The following PLCE1 variants were observed in gnomAD, a reference collection of about 807,000 sequenced individuals.
PLCE1 encodes phospholipase C epsilon 1.
A neutral mutation model predicts 242.8 loss-of-function variants in PLCE1; 119 were observed. The ratio of observed to expected loss-of-function variants is 0.49; its 90% confidence interval spans 0.42 to 0.57. The LOEUF (loss-of-function observed/expected upper bound fraction) is 0.57. Among genes scored for constraint, PLCE1 ranks in the 20% least tolerant of loss-of-function variants. The pLI, the probability that PLCE1 is intolerant of heterozygous loss-of-function variation, is 0.00. For synonymous variants in PLCE1, 945 were observed against 1,017.4 expected, an observed-to-expected ratio of 0.93 and a Z score of 1.35; for missense variants, 2,441 against 2,788.8, an observed-to-expected ratio of 0.88 and a Z score of 2.81.
intron 3 of PLCE1, among the ~76,000 whole-genome samples, chr10:94,151,957 A>T (rs1590132790): frequency 6.6e-6 from 1 of 152,194 alleles, no homozygotes; most frequent in Non-Finnish European, 1.5e-5. Context: ...CTGGCTAGCC[A>T]TATAAAGAAG....
chr10:94,325,156 T>C (rs1375180700), intron 32 of PLCE1, 52 bp downstream of exon 32: 3 of 1,259,258 alleles, frequency 2.4e-6, no homozygotes, highest in Admixed American at 1.7e-5. Flanking sequence ...TAAACTACTT[T>C]GTAAGGAAGG....
chr10:94,059,403 A>C (rs148156881), intron 2 of PLCE1, among the ~76,000 whole-genome samples: 7 of 152,290 alleles, frequency 4.6e-5, no homozygotes, highest in African/African-American at 7.2e-5. Context: ...GATGACTCAT[A>C]AGGTCTGATT....
chr10:94,270,512 T>A lies in PLCE1; in HGVS notation c.4416T>A (p.Ser1472Arg). 6.2e-7 allele frequency: 1 copy of A among 1,613,668 alleles called. No individual in the cohort carries two copies. The highest frequency in any genetic ancestry group is 8.5e-7 in the Non-Finnish European group (1 of 1,179,612). Residue 1472 changes from serine (S) to arginine (R), a missense_variant, in exon 18 of 33, where the codon AGT (serine) becomes AGA (arginine). By Grantham distance (110) the Ser-to-Arg change is moderately radical. This residue lies in a region of PLCE1 where 1,004 missense variants were observed against 1,322.7 expected (regional missense o/e 0.76). Coordinates refer to ENST00000371380, the MANE Select transcript of PLCE1 (RefSeq NM_016341.4). ...AAGTGGTTGAAGCCATTGATCGCAG[T>A]GCCTTCATCAACTCTGACCTGCCAA... ...FKEVVEAIDR[S>R]AFINSDLPII...
intron 4 of PLCE1, among the ~76,000 whole-genome samples, chr10:94,186,797 G>GA (rs2048492603): frequency 6.6e-6 from 1 of 152,120 alleles, no homozygotes; most frequent in African/African-American, 2.4e-5. Flanking sequence ...TATCAAAAGG[G>GA]AAAAAAACTT....
chr10:94,006,676 G>T (rs1250968963), intron 1 of PLCE1, among the ~76,000 whole-genome samples: 1 of 152,128 alleles, frequency 6.6e-6, no homozygotes. Context: ...ACAGATCTGC[G>T]GTCAGAACCT....
intron 3 of PLCE1, among the ~76,000 whole-genome samples, chr10:94,134,302 T>C (rs1312936134): frequency 1.3e-5 from 2 of 152,160 alleles, no homozygotes; most frequent in African/African-American, 2.4e-5. Flanking sequence ...TTTTGCCATG[T>C]TGGCCAGGCT....
intron 3 of PLCE1, among the ~76,000 whole-genome samples, chr10:94,141,666 G>A (rs76624991): frequency 0.3 from 9,909 of 33,002 alleles, 3,236 homozygotes; most frequent in African/African-American, 0.55. Flanking sequence ...GAAAGGGAGG[G>A]AGGGAGGAAA....
chr10:94,310,125 C>T (rs780760913), intron 27 of PLCE1, among the ~76,000 whole-genome samples: 1 of 152,192 alleles, frequency 6.6e-6, no homozygotes, highest in Non-Finnish European at 1.5e-5. Context: ...TTGGTTACCC[C>T]CTTTACATGT....
At chr10:94,235,708 T>A (rs1215075848) in intron 6 of PLCE1, 5 of 983,260 alleles carry the variant, frequency 5.1e-6, no homozygotes, top group Non-Finnish European at 6.0e-6. Context: ...CCCAGAGGGA[T>A]TAAAGTTGTC....
At chr10:94,103,680 G>T (rs2045622720) in intron 2 of PLCE1, among the ~76,000 whole-genome samples, 1 of 152,154 alleles carries the variant, frequency 6.6e-6, no homozygotes, top group Non-Finnish European at 1.5e-5. Flanking sequence ...TTTGCTGTAG[G>T]CAATTCTAAG....
At chr10:94,001,795 T>C (rs2134182247) in intron 1 of PLCE1, among the ~76,000 whole-genome samples, 1 of 152,346 alleles carries the variant, frequency 6.6e-6, no homozygotes, top group Admixed American at 6.5e-5. Flanking sequence ...ATATGAAATG[T>C]TTGCCTGGAA....
chr10:94,098,181 A>G (rs955754837), intron 2 of PLCE1, among the ~76,000 whole-genome samples: 1 of 152,222 alleles, frequency 6.6e-6, no homozygotes, highest in Non-Finnish European at 1.5e-5. Flanking sequence ...TAGTTGCAGA[A>G]CAAAATGGAA....
intron 1 of PLCE1, among the ~76,000 whole-genome samples, chr10:94,011,975 G>C (rs2061177509): frequency 6.6e-6 from 1 of 152,068 alleles, no homozygotes; most frequent in South Asian, 2.1e-4. Context: ...CATTTCTGCT[G>C]CCTTCACTCA....
rs143071870 is a variant in PLCE1 at position 94,313,448 on chromosome 10, T to TA, written c.6132+69dup. Reference sequence around the variant, plus strand: ...AGATGTATGGATGTATGTGTGTGTATAAATGCCTGTGTGTAAACATACACA... The same window carrying TA: ...AGATGTATGGATGTATGTGTGTGTATAAAATGCCTGTGTGTAAACATACACA... On this transcript the variant is annotated intron_variant, in intron 28 of 32. Transcript: ENST00000371380. The TA allele has an allele frequency of 1.3e-3, 2,081 of 1,573,968 alleles. 18 individuals are homozygous for TA. In the African/African-American group the frequency reaches 0.024, roughly 18 times the overall value.
At chr10:94,085,020 G>A (rs1049646671) in intron 2 of PLCE1, among the ~76,000 whole-genome samples, 8 of 152,146 alleles carry the variant, frequency 5.3e-5, no homozygotes, top group Non-Finnish European at 1.2e-4. Flanking sequence ...ACTGTCAGCT[G>A]GCTCCTTCTC....
chr10:94,122,822 G>A (rs2046336588), intron 2 of PLCE1, among the ~76,000 whole-genome samples: 1 of 152,162 alleles, frequency 6.6e-6, no homozygotes, highest in Admixed American at 6.5e-5. Context: ...ACAGATTATT[G>A]GGTCCCAGCC....
At chr10:94,180,178 C>T (rs986191400) in intron 4 of PLCE1, among the ~76,000 whole-genome samples, 1 of 152,054 alleles carries the variant, frequency 6.6e-6, no homozygotes, top group Non-Finnish European at 1.5e-5. Context: ...GACCTTCTTT[C>T]CACCACTCGG....
At chr10:94,056,796 C>A (rs2043916512) in intron 2 of PLCE1, among the ~76,000 whole-genome samples, 1 of 152,080 alleles carries the variant, frequency 6.6e-6, no homozygotes, top group Admixed American at 6.6e-5. Flanking sequence ...AGCAGTCACC[C>A]CCATCCTCTC....
intron 13 of PLCE1, 44 bp downstream of exon 13, chr10:94,259,194 T>G: frequency 6.2e-7 from 1 of 1,604,192 alleles, no homozygotes; most frequent in Non-Finnish European, 8.5e-7. Flanking sequence ...TCAATCTGTC[T>G]AAAACTTAAG....
Sources: allele counts gnomAD v4.1 joint callset (sites outside exome capture counted in the v4.1 genomes callset), GRCh38; gene constraint gnomAD v4.1.1; regional missense constraint gnomAD v4.1.1; transcripts MANE v1.5; gene names NCBI Gene and HGNC (gene_info 2026-07-23, HGNC 2026-07-21).